ANK2: variants seen among roughly 807,000 people sequenced by gnomAD.
ANK2 encodes the protein ankyrin 2.
In ANK2, 83 loss-of-function variants were observed where a neutral mutation model predicts 360.5. That is an observed-to-expected ratio of 0.23 (90% CI 0.19 to 0.28). The LOEUF (loss-of-function observed/expected upper bound fraction) is 0.28, where lower values mean the gene tolerates loss of function less well. Ranked by LOEUF, ANK2 falls within the 10% of genes least tolerant of loss-of-function variation. The pLI is 1.00. For missense variants in ANK2, 4,201 were observed against 4,795.7 expected (o/e 0.88, Z 3.66); for synonymous variants, 1,740 against 1,759.5 (o/e 0.99, Z 0.28).
intron 2 of ANK2, among the ~76,000 whole-genome samples, chr4:113,027,562 C>G (rs2059545013): frequency 6.6e-6 from 1 of 152,074 alleles, no homozygotes; most frequent in Admixed American, 6.6e-5. Context: ...TGCTTCTGCC[C>G]TGGAGACTGC....
At chr4:112,791,265 A>T in the ANK2 span, among the ~76,000 whole-genome samples, 1 of 152,128 alleles carries the variant, frequency 6.6e-6, no homozygotes, top group African/African-American at 2.4e-5. Context: ...TGTAGAGGAG[A>T]TTCCCACAGT....
At chr4:113,211,644 C>T (rs923399388) in intron 4 of ANK2, among the ~76,000 whole-genome samples, 13 of 152,134 alleles carry the variant, frequency 8.5e-5, no homozygotes, top group Non-Finnish European at 1.5e-4. Context: ...ATACTCTTAA[C>T]TAAATCACTT....
the ANK2 span, among the ~76,000 whole-genome samples, chr4:112,757,865 T>G: frequency 6.7e-6 from 1 of 149,672 alleles, no homozygotes; most frequent in Non-Finnish European, 1.5e-5. Flanking sequence ...AATTTTGGGT[T>G]GTAATCCTTC....
intron 2 of ANK2, among the ~76,000 whole-genome samples, chr4:112,998,830 A>G (rs2049575741): frequency 6.6e-6 from 1 of 152,180 alleles, no homozygotes; most frequent in African/African-American, 2.4e-5. Context: ...TTCAAAATTT[A>G]AAAATATCCA....
At chr4:113,054,854 C>T (rs2068819834) in intron 1 of ANK2, among the ~76,000 whole-genome samples, 1 of 152,140 alleles carries the variant, frequency 6.6e-6, no homozygotes, top group African/African-American at 2.4e-5. Context: ...CTCTCTGTTT[C>T]TATTTACTCA....
chr4:112,777,681 G>A, the ANK2 span, among the ~76,000 whole-genome samples: 2 of 146,568 alleles, frequency 1.4e-5, no homozygotes, highest in Non-Finnish European at 3.0e-5. Flanking sequence ...GCAGTGGCAC[G>A]ATCTCGGCTC....
At chr4:112,984,098 C>A (rs928724411) in intron 2 of ANK2, among the ~76,000 whole-genome samples, 1 of 152,086 alleles carries the variant, frequency 6.6e-6, no homozygotes, top group Non-Finnish European at 1.5e-5. Context: ...GGAATCATAA[C>A]CAAAAGTTTT....
intron 1 of ANK2, among the ~76,000 whole-genome samples, chr4:113,160,542 A>G (rs2097492390): frequency 1.3e-5 from 2 of 152,218 alleles, no homozygotes; most frequent in South Asian, 4.1e-4. Context: ...ATATCGACCA[A>G]TGCTGCTTGA....
intron 43 of ANK2, 133 bp from the exon 44 acceptor site, chr4:113,372,957 G>A: frequency 1.1e-6 from 1 of 874,240 alleles, no homozygotes; most frequent in Non-Finnish European, 2.0e-6. Flanking sequence ...TAGTTGACAG[G>A]ATTTTGTATC....
At chr4:112,898,925 C>T (rs1162378182) in intron 1 of ANK2, among the ~76,000 whole-genome samples, 2 of 152,212 alleles carry the variant, frequency 1.3e-5, no homozygotes, top group East Asian at 1.9e-4. Context: ...CACTGATCCA[C>T]GACTGTCAGT....
chr4:112,832,429 T>C (rs1163057141), intron 1 of ANK2, among the ~76,000 whole-genome samples: 4 of 152,136 alleles, frequency 2.6e-5, no homozygotes, highest in Non-Finnish European at 4.4e-5. Flanking sequence ...AAGAAAAAAA[T>C]AGATTTTGCA....
chr4:112,858,991 G>T lies in ANK2; in HGVS notation c.-40+40727G>T, dbSNP rs191888625. On this transcript the variant is annotated intron_variant, in intron 1 of 30. Transcript: ENST00000503271. Reference sequence around the variant, plus strand: ...CTTCTGTACCTACAAACATTTATTAGCAAGAAATTCAGAAGGATGATAGAA... The same window carrying T: ...CTTCTGTACCTACAAACATTTATTATCAAGAAATTCAGAAGGATGATAGAA... Among the ~76,000 whole-genome samples, 129 of 152,306 alleles carry T rather than the reference G, an allele frequency of 8.5e-4. 1 individual carries two copies. Among genetic ancestry groups the T allele is most frequent in the Admixed American group, 4.9e-3 (75 of 15,302 alleles).
chr4:113,376,764 T>C (rs1298359298), intron 45 of ANK2, among the ~76,000 whole-genome samples: 1 of 151,462 alleles, frequency 6.6e-6, no homozygotes, highest in Non-Finnish European at 1.5e-5. Context: ...TTTCTGCTTT[T>C]AATTTTTTAA....
At chr4:112,909,933 T>C (rs773388078) in intron 2 of ANK2, among the ~76,000 whole-genome samples, 6 of 152,248 alleles carry the variant, frequency 3.9e-5, no homozygotes, top group Non-Finnish European at 8.8e-5. Context: ...ATGCTAGTAA[T>C]TCTCTATTAT....
At chr4:112,859,086 A>G (rs868385218) in intron 1 of ANK2, among the ~76,000 whole-genome samples, 8 of 152,114 alleles carry the variant, frequency 5.3e-5, no homozygotes, top group Admixed American at 1.3e-4. Flanking sequence ...TTCCATGAAA[A>G]CCTCGCTCGG....
chr4:113,253,302 A>C (rs1256433183), intron 10 of ANK2, among the ~76,000 whole-genome samples: 1 of 152,164 alleles, frequency 6.6e-6, no homozygotes, highest in Non-Finnish European at 1.5e-5. Context: ...TGAATGTTAG[A>C]ACCTCCAGAG....
At chr4:112,881,816 G>T in intron 1 of ANK2, 1 of 923,602 alleles carries the variant, frequency 1.1e-6, no homozygotes, top group Non-Finnish European at 1.7e-6. Context: ...CTTCTTTAAT[G>T]CCACCAACAA....
upstream of ANK2, among the ~76,000 whole-genome samples, chr4:113,046,474 C>T (rs149874168): frequency 1.1e-4 from 16 of 152,094 alleles, no homozygotes; most frequent in East Asian, 5.8e-4. Context: ...GATTAAGTCA[C>T]GAGGGTAGAG....
chr4:113,241,638 C>T (rs997211278), intron 8 of ANK2, among the ~76,000 whole-genome samples: 8 of 152,196 alleles, frequency 5.3e-5, no homozygotes, highest in Admixed American at 2.6e-4. Flanking sequence ...CCATGCCCAA[C>T]TTGAAGGAGA....
Sources: gnomAD v4.1 joint callset for allele counts (sites outside exome capture counted in the v4.1 genomes callset) on GRCh38, gnomAD v4.1.1 for gene constraint, MANE v1.5 for transcripts, NCBI Gene and HGNC (gene_info 2026-07-23, HGNC 2026-07-21) for gene names.